CSMD1: variants seen among roughly 807,000 people sequenced by gnomAD.
The protein encoded by CSMD1 is CUB and sushi domain-containing protein 1.
In CSMD1, 213 loss-of-function variants were observed where a neutral mutation model predicts 417.5. That is an observed-to-expected ratio of 0.51 (90% CI 0.46 to 0.57). The LOEUF (loss-of-function observed/expected upper bound fraction) is 0.57. Among genes scored for constraint, CSMD1 ranks in the 20% least tolerant of loss-of-function variants. CSMD1 has a pLI of 0.00. For synonymous variants in CSMD1, 2,862 were observed against 1,736.8 expected (o/e 1.65, Z -16.11); for missense variants, 6,923 against 4,529.7 (o/e 1.53, Z -15.17).
intron 26 of CSMD1, among the ~76,000 whole-genome samples, chr8:3,248,730 GACTA>G (rs1351818152): frequency 2.6e-5 from 4 of 151,874 alleles, no homozygotes; most frequent in African/African-American, 9.7e-5. Context: ...AAACAGCTTT[GACTA>G]ACACGTTCTC....
At chr8:4,603,526 TA>T (rs1419917036) in intron 2 of CSMD1, among the ~76,000 whole-genome samples, 1 of 152,060 alleles carries the variant, frequency 6.6e-6, no homozygotes, top group Admixed American at 6.6e-5. Flanking sequence ...AAGCAGTGGG[TA>T]AAATAAAAGG....
At chr8:4,303,420 CTGTTTTTTTTTTTTTTT>C (rs1798085633) in intron 3 of CSMD1, among the ~76,000 whole-genome samples, 3 of 92,332 alleles carry the variant, frequency 3.2e-5, no homozygotes, top group Admixed American at 1.2e-4. Context: ...GGGCAGGAAG[CTGTTTTTTTTTTTTTTT>C]TTTTTTTTTT....
chr8:4,249,263 C>A (rs1010943465), intron 3 of CSMD1, among the ~76,000 whole-genome samples: 3 of 152,148 alleles, frequency 2.0e-5, no homozygotes, highest in Admixed American at 6.5e-5. Context: ...CTTTTATTAT[C>A]TTGTCTTTTA....
At chr8:3,337,543 G>A (rs950169166) in intron 23 of CSMD1, among the ~76,000 whole-genome samples, 3 of 152,034 alleles carry the variant, frequency 2.0e-5, no homozygotes, top group South Asian at 2.1e-4. Flanking sequence ...GGATGTTCTC[G>A]GTAAGCGATG....
chr8:3,238,316 T>A (rs900932790), intron 26 of CSMD1, among the ~76,000 whole-genome samples: 3 of 152,212 alleles, frequency 2.0e-5, no homozygotes, highest in Admixed American at 6.5e-5. Flanking sequence ...TGGTGGAATG[T>A]CATCAGTTAA....
intron 5 of CSMD1, among the ~76,000 whole-genome samples, chr8:3,861,313 T>G (rs1804691844): frequency 6.6e-6 from 1 of 152,196 alleles, no homozygotes; most frequent in Non-Finnish European, 1.5e-5. Context: ...ATGAATATTT[T>G]ATCTTGGCTG....
chr8:4,602,555 A>G (rs1344848397), intron 2 of CSMD1, among the ~76,000 whole-genome samples: 3 of 152,248 alleles, frequency 2.0e-5, no homozygotes. Flanking sequence ...ATAGTCATTG[A>G]GACAAGATGT....
At chr8:3,750,824 G>C (rs1055204141) in intron 6 of CSMD1, among the ~76,000 whole-genome samples, 1 of 152,116 alleles carries the variant, frequency 6.6e-6, no homozygotes, top group African/African-American at 2.4e-5. Flanking sequence ...CTGTCCTTAG[G>C]TTTGTTCTAG....
rs555021342 is a variant in CSMD1, at chr8:4,441,834, A to G, written c.303-21769T>C. On this transcript the variant is annotated intron_variant, in intron 2 of 69. Transcript: ENST00000635120. Reference sequence around the variant, plus strand: ...TCAATCAAACACTGAAGTTTGAGTAATAAAAGCATGAACGAAAATTCCAGA... The same window carrying G: ...TCAATCAAACACTGAAGTTTGAGTAGTAAAAGCATGAACGAAAATTCCAGA... Among the ~76,000 whole-genome samples the G allele has an allele frequency of 8.5e-5, 13 of 152,324 alleles. No individual in the cohort carries two copies. The South Asian group carries it at 2.7e-3, about 32-fold the overall frequency.
At chr8:4,257,760 G>T (rs1322915316) in intron 3 of CSMD1, among the ~76,000 whole-genome samples, 1 of 152,162 alleles carries the variant, frequency 6.6e-6, no homozygotes, top group African/African-American at 2.4e-5. Flanking sequence ...TTAGGCCAAG[G>T]ATAAAACAGC....
intron 3 of CSMD1, among the ~76,000 whole-genome samples, chr8:4,133,146 C>A (rs1355203054): frequency 6.6e-6 from 1 of 152,126 alleles, no homozygotes; most frequent in African/African-American, 2.4e-5. Flanking sequence ...CCATATTGGC[C>A]AGGCTGGTCT....
intron 12 of CSMD1, among the ~76,000 whole-genome samples, chr8:3,419,615 G>A (rs1041615872): frequency 2.6e-5 from 4 of 151,882 alleles, no homozygotes; most frequent in Non-Finnish European, 4.4e-5. Context: ...CTATAGATTC[G>A]TAACCCCTTT....
chr8:3,672,317 C>T (rs552298560), intron 7 of CSMD1, among the ~76,000 whole-genome samples: 92 of 151,452 alleles, frequency 6.1e-4, no homozygotes, highest in South Asian at 2.7e-3. Context: ...CTAAGGTTCT[C>T]CCAATGGCTT....
chr8:4,150,153 A>C (rs1796492938), intron 3 of CSMD1, among the ~76,000 whole-genome samples: 1 of 152,168 alleles, frequency 6.6e-6, no homozygotes, highest in African/African-American at 2.4e-5. Flanking sequence ...TGATATCTTG[A>C]GGATAGACAA....
chr8:4,795,331 A>G (rs551247555), intron 1 of CSMD1, among the ~76,000 whole-genome samples: 35 of 116,746 alleles, frequency 3.0e-4, no homozygotes, highest in African/African-American at 1.1e-3. Context: ...GAGTGCAGTG[A>G]CACGATCTTG....
At chr8:4,346,723 A>G (rs146536734) in intron 3 of CSMD1, among the ~76,000 whole-genome samples, 4 of 152,248 alleles carry the variant, frequency 2.6e-5, no homozygotes, top group African/African-American at 9.6e-5. Context: ...ATTTATAATT[A>G]TATTTTAGAT....
intron 1 of CSMD1, among the ~76,000 whole-genome samples, chr8:4,657,297 T>A (rs987130407): frequency 1.3e-5 from 2 of 152,158 alleles, no homozygotes; most frequent in African/African-American, 4.8e-5. Flanking sequence ...GGCGAAGTGT[T>A]GAAGGAGGGC....
intron 3 of CSMD1, among the ~76,000 whole-genome samples, chr8:4,234,001 G>A (rs182005463): frequency 2.0e-5 from 3 of 152,194 alleles, no homozygotes; most frequent in South Asian, 4.1e-4. Context: ...GATCCCTTCT[G>A]CCTGAGAGGT....
chr8:4,197,273 A>G (rs997141944), intron 3 of CSMD1, among the ~76,000 whole-genome samples: 1 of 152,206 alleles, frequency 6.6e-6, no homozygotes. Flanking sequence ...TCAAATTGAG[A>G]AGTATTAGGC....
Sources: gnomAD v4.1 joint callset for allele counts (sites outside exome capture counted in the v4.1 genomes callset) on GRCh38, gnomAD v4.1.1 for gene constraint, MANE v1.5 for transcripts, NCBI Gene and HGNC (gene_info 2026-07-23, HGNC 2026-07-21) for gene names.